The following COX7B2 variants were observed in gnomAD, a reference collection of about 807,000 sequenced individuals.
COX7B2 encodes cytochrome c oxidase subunit 7B2, mitochondrial.
For synonymous variants in COX7B2, 37 were observed against 32.1 expected (o/e 1.15, Z -0.51); for missense variants, 109 against 95.9 (o/e 1.14, Z -0.57).
intron 2 of COX7B2, among the ~76,000 whole-genome samples, chr4:46,764,282 C>T (rs10018063): frequency 2.6e-5 from 4 of 151,726 alleles, no homozygotes; most frequent in African/African-American, 7.3e-5. Context: ...CAGTGGCTCA[C>T]GCCTGTAATC....
chr4:46,881,007 A>C (rs957062807), intron 1 of COX7B2, among the ~76,000 whole-genome samples: 3 of 151,528 alleles, frequency 2.0e-5, no homozygotes, highest in African/African-American at 7.3e-5. Context: ...AAAAAAAAAA[A>C]AAAACTCTTG....
intron 2 of COX7B2, among the ~76,000 whole-genome samples, chr4:46,770,825 CA>C (rs1211760229): frequency 1.3e-5 from 2 of 152,028 alleles, no homozygotes; most frequent in East Asian, 3.9e-4. Flanking sequence ...AGAATCAACT[CA>C]AAAGGGATTA....
intron 1 of COX7B2, among the ~76,000 whole-genome samples, chr4:46,848,245 G>A (rs542724580): frequency 9.9e-5 from 15 of 151,962 alleles, no homozygotes; most frequent in Admixed American, 5.3e-4. Flanking sequence ...AATTAAAGTC[G>A]GCTCATTTTA....
At chr4:46,782,640 T>C (rs1717538051) in intron 2 of COX7B2, among the ~76,000 whole-genome samples, 1 of 152,176 alleles carries the variant, frequency 6.6e-6, no homozygotes, top group Non-Finnish European at 1.5e-5. Flanking sequence ...TTGCTGCTGC[T>C]CACTCTTTGG....
intron 1 of COX7B2, among the ~76,000 whole-genome samples, chr4:46,854,450 C>T (rs564422159): frequency 2.4e-4 from 37 of 152,146 alleles, no homozygotes; most frequent in Admixed American, 3.9e-4. Flanking sequence ...TATTTCAATT[C>T]AAATTTAAAT....
At chr4:46,863,021 C>T (rs1280912399) in intron 1 of COX7B2, among the ~76,000 whole-genome samples, 3 of 152,076 alleles carry the variant, frequency 2.0e-5, no homozygotes, top group Non-Finnish European at 4.4e-5. Flanking sequence ...AAAATGCTAA[C>T]ATCTGGTAAA....
intron 1 of COX7B2, among the ~76,000 whole-genome samples, chr4:46,867,839 T>C (rs1300722063): frequency 1.3e-5 from 2 of 152,208 alleles, no homozygotes; most frequent in Non-Finnish European, 2.9e-5. Context: ...TTTTCTTTTT[T>C]TGTTGTTGTG....
chr4:46,803,607 T>C (rs1451133035), intron 2 of COX7B2, among the ~76,000 whole-genome samples: 1 of 152,162 alleles, frequency 6.6e-6, no homozygotes, highest in Non-Finnish European at 1.5e-5. Context: ...GTGTTTAGCA[T>C]ATATTTATAA....
intron 2 of COX7B2, among the ~76,000 whole-genome samples, chr4:46,759,259 TAAG>T (rs1465788320): frequency 6.6e-6 from 1 of 151,966 alleles, no homozygotes; most frequent in Non-Finnish European, 1.5e-5. Context: ...AGAAATAAAC[TAAG>T]AAGTCCTTCA....
chr4:46,904,025 A>G (rs1031154781), intron 1 of COX7B2: 1 of 152,248 alleles, frequency 6.6e-6, no homozygotes, highest in Non-Finnish European at 1.5e-5. Context: ...CTGCAAAAAA[A>G]GGTGAGCTGT....
rs548470741 is a variant in COX7B2, at chr4:46,847,075, G to A, written c.-104-2061C>T. On this transcript the variant is annotated intron_variant, in intron 1 of 2. Transcript: ENST00000355591. ...CAAATTTAACACCATAGATATAGCC[G>A]TTGAGATGTAAGAAGAAATGAGTGC... Among the ~76,000 whole-genome samples, 227 of 152,160 alleles carry A rather than the reference G, an allele frequency of 1.5e-3. 5 individuals are homozygous for A. In the South Asian group the frequency reaches 0.043, roughly 28 times the overall value.
chr4:46,779,013 T>C (rs904154126), intron 2 of COX7B2, among the ~76,000 whole-genome samples: 3 of 152,208 alleles, frequency 2.0e-5, no homozygotes, highest in South Asian at 4.1e-4. Flanking sequence ...TTTACATTCA[T>C]TGATACAATT....
chr4:46,813,474 C>T (rs971586065), intron 2 of COX7B2, among the ~76,000 whole-genome samples: 3 of 152,070 alleles, frequency 2.0e-5, no homozygotes, highest in African/African-American at 7.2e-5. Flanking sequence ...TTCTGCACAG[C>T]AAAAGAAACT....
At chr4:46,906,039 C>A (rs1270471861) in intron 1 of COX7B2, among the ~76,000 whole-genome samples, 1 of 151,494 alleles carries the variant, frequency 6.6e-6, no homozygotes, top group Non-Finnish European at 1.5e-5. Flanking sequence ...CCTTGTTAGC[C>A]AGGATGGTCT....
At chr4:46,879,449 C>G (rs1427481490) in intron 1 of COX7B2, among the ~76,000 whole-genome samples, 4 of 151,048 alleles carry the variant, frequency 2.6e-5, no homozygotes, top group African/African-American at 9.8e-5. Context: ...ACCATGTTGC[C>G]CAGGCTGGTC....
At chr4:46,746,796 C>G (rs1300324093) in intron 2 of COX7B2, among the ~76,000 whole-genome samples, 2 of 152,076 alleles carry the variant, frequency 1.3e-5, no homozygotes, top group Admixed American at 6.6e-5. Context: ...CCTTAGAAAA[C>G]CCTAAATAGC....
intron 2 of COX7B2, among the ~76,000 whole-genome samples, chr4:46,738,939 T>G (rs1042723839): frequency 1.3e-5 from 2 of 152,118 alleles, no homozygotes; most frequent in Non-Finnish European, 2.9e-5. Flanking sequence ...TCATCTATTA[T>G]ATGTAGTCAT....
chr4:46,797,028 C>T (rs1411270493), intron 2 of COX7B2, among the ~76,000 whole-genome samples: 1 of 88,950 alleles, frequency 1.1e-5, no homozygotes, highest in Non-Finnish European at 2.0e-5. Flanking sequence ...ACAAGCATGG[C>T]ACATGTATAC....
chr4:46,867,178 T>C (rs1394007013), intron 1 of COX7B2, among the ~76,000 whole-genome samples: 1 of 152,212 alleles, frequency 6.6e-6, no homozygotes, highest in Non-Finnish European at 1.5e-5. Context: ...TTGGCCTCCT[T>C]ACATCAGATA....
Sources: allele counts gnomAD v4.1 joint callset (sites outside exome capture counted in the v4.1 genomes callset), GRCh38; gene constraint gnomAD v4.1.1; transcripts MANE v1.5; gene names NCBI Gene and HGNC (gene_info 2026-07-23, HGNC 2026-07-21).